The following ZNF16 variants were observed in gnomAD, a reference collection of about 807,000 sequenced individuals.
The protein encoded by ZNF16 is zinc finger protein KOX9.
A neutral mutation model predicts 9.0 loss-of-function variants in ZNF16; 7 were observed. The observed-to-expected ratio is 0.78, with a 90% CI of 0.44 to 1.47. The LOEUF (loss-of-function observed/expected upper bound fraction) is 1.47. Among genes scored for constraint, ZNF16 ranks in the 40% most tolerant of loss-of-function variants. The pLI, the probability that ZNF16 is intolerant of heterozygous loss-of-function variation, is 0.01. For missense variants in ZNF16, 830 were observed against 854.2 expected (o/e 0.97, Z 0.35); for synonymous variants, 312 against 301.5 (o/e 1.03, Z -0.36).
rs202196724 is a variant in ZNF16 at position 144,946,141 on chromosome 8, G to A, written c.66C>T (p.Pro22=). ...EMELSVPGPS[P]WTPAAQARVR... is the part of the protein sequence containing the mutation. ...CACGGGCCTGGGCTGCAGGGGTCCAGGGGGATGGTCCTGGAACTGAGAGCT... is the reference window on the plus strand; with the variant it reads ...CACGGGCCTGGGCTGCAGGGGTCCAAGGGGATGGTCCTGGAACTGAGAGCT... The change falls in exon 2 of 3, where the codon CCC becomes CCT. Residue 22 remains proline, a synonymous_variant. Transcript: ENST00000394909. The A allele has an allele frequency of 4.4e-6, 7 of 1,591,572 alleles. No individual in the cohort carries two copies. Among genetic ancestry groups the A allele is most frequent in the Admixed American group, 3.4e-5 (2 of 58,882 alleles).
chr8:144,936,307 T>G (rs1045697920), intron 2 of ZNF16, among the ~76,000 whole-genome samples: 5 of 152,234 alleles, frequency 3.3e-5, no homozygotes, highest in African/African-American at 1.2e-4. Context: ...AATTAATCAT[T>G]CATCCATTGA....
chr8:144,931,963 C>CG lies in ZNF16; in HGVS notation c.823dup (p.Arg275ProfsTer8). 1 of 1,613,604 alleles carries CG rather than the reference C, an allele frequency of 6.2e-7. No homozygotes were observed. Among genetic ancestry groups the CG allele is most frequent in the African/African-American group, 1.3e-5 (1 of 75,032 alleles). On this transcript the variant is annotated frameshift_variant, in exon 3 of 3. Transcript: ENST00000394909. LOFTEE classifies it low-confidence loss of function (END_TRUNC). ...ATGCCTAGAAAAGTCTGAGTGCCCTCGGAAGGCTTTCCCACATTCGCTGCA... is the reference window on the plus strand; with the variant it reads ...ATGCCTAGAAAAGTCTGAGTGCCCTCGGGAAGGCTTTCCCACATTCGCTGCA...
At chr8:144,949,211 C>T (rs919148621) in intron 1 of ZNF16, among the ~76,000 whole-genome samples, 1 of 152,276 alleles carries the variant, frequency 6.6e-6, no homozygotes, top group Non-Finnish European at 1.5e-5. Flanking sequence ...TCAGCACCTT[C>T]CCCCTTGGGG....
rs1457435614 is a variant in ZNF16 at position 144,949,902 on chromosome 8, T to TA, written c.-10+894dup. On this transcript the variant is annotated intron_variant, in intron 1 of 2. Transcript: ENST00000394909. Reference sequence around the variant, plus strand: ...AAGGGTCTGTGTTGAGGTGGATTGGTAAAAGAGAAAAGCCTCTTGCAGTTG... The same window carrying TA: ...AAGGGTCTGTGTTGAGGTGGATTGGTAAAAAGAGAAAAGCCTCTTGCAGTTG... 1.3e-5 allele frequency among the ~76,000 whole-genome samples: 2 copies of TA among 152,146 alleles called. 1 individual carries two copies. Among genetic ancestry groups the TA allele is most frequent in the South Asian group, 4.1e-4 (2 of 4,830 alleles).
intron 2 of ZNF16, chr8:144,945,798 G>A (rs1373006839): frequency 1.1e-6 from 1 of 941,794 alleles, no homozygotes; most frequent in Non-Finnish European, 1.5e-6. Context: ...ACCTCTTCGT[G>A]TCAAGTGGGG....
At chr8:144,937,122 T>G (rs1478085368) in intron 2 of ZNF16, among the ~76,000 whole-genome samples, 1 of 151,126 alleles carries the variant, frequency 6.6e-6, no homozygotes, top group Non-Finnish European at 1.5e-5. Context: ...GCAGGATGCT[T>G]TTTTCACTTT....
chr8:144,948,726 T>C (rs1834020177), intron 1 of ZNF16, among the ~76,000 whole-genome samples: 1 of 147,990 alleles, frequency 6.8e-6, no homozygotes, highest in Non-Finnish European at 1.5e-5. Context: ...TAATGATAAA[T>C]TACACCCAAC....
Position 144,932,385 on chromosome 8 carries a change from C to A in ZNF16, c.402G>T (p.Gly134=). The A allele has an allele frequency of 2.5e-6, 4 of 1,614,154 alleles. No individual in the cohort carries two copies. The highest frequency in any genetic ancestry group is 3.4e-6 in the Non-Finnish European group (4 of 1,180,018). The change falls in exon 3 of 3, where the codon GGG becomes GGT. Residue 134 remains glycine, a synonymous_variant. Transcript: ENST00000394909. This position sits in a 1 kb window ranked among gnomAD's most constrained non-coding sequence, Gnocchi z 5.0. ...GCCCCATGGCAGCTGGTGTGAAGTC[C>A]CCCTCCTGGGAGAGGGACTGTGGCA... ...RRLPQSLSQE[G]DFTPAAMGLL...
chr8:144,946,564 CTGCTGTGGGCCT>C lies in ZNF16; in HGVS notation c.-9-361_-9-350del, dbSNP rs1563925562. ...TGTGTACTGCTGTGGGGCCTGTACC[CTGCTGTGGGCCT>C]GTGTCCTGCTGTGGGTCTGTATCCT... On this transcript the variant is annotated intron_variant, in intron 1 of 2. Transcript: ENST00000394909. Among the ~76,000 whole-genome samples, 162 of 138,744 alleles carry C rather than the reference CTGCTGTGGGCCT, an allele frequency of 1.2e-3. 11 individuals carry two copies. Among genetic ancestry groups the C allele is most frequent in the Middle Eastern group, 3.9e-3 (1 of 254 alleles). 91.0% of individuals were successfully genotyped at this position (138,744 alleles called of 152,430 possible).
chr8:144,930,697 G>A lies in ZNF16; in HGVS notation c.*41C>T, dbSNP rs368621006. ...AGACAATGGCCAAAGAGGAGTTGGA[G>A]AGGAAACTATGCTCGGTTTCACTCC... On this transcript the variant is annotated 3_prime_UTR_variant, in exon 3 of 3. Coordinates refer to ENST00000394909, the MANE Select transcript of ZNF16 (RefSeq NM_006958.3). The A allele has an allele frequency of 6.6e-7, 1 of 1,513,362 alleles. No individual in the cohort carries two copies. The allele number at this position is 1,513,362 out of a possible 1,614,324, so 93.7% of individuals were successfully genotyped here. A position where few individuals can be genotyped will look rare whatever the true frequency, so the allele number is the denominator to read the frequency against.
intron 2 of ZNF16, among the ~76,000 whole-genome samples, chr8:144,937,947 C>T (rs964552874): frequency 6.6e-6 from 1 of 152,158 alleles, no homozygotes; most frequent in Non-Finnish European, 1.5e-5. Flanking sequence ...GGATTACAGG[C>T]ATGAGCCACC....
chr8:144,944,443 C>T (rs1833879683), intron 2 of ZNF16: 1 of 147,390 alleles, frequency 6.8e-6, no homozygotes, highest in African/African-American at 2.5e-5. Flanking sequence ...AGGCGTGAGC[C>T]ACCGTGGTGC....
intron 2 of ZNF16, chr8:144,945,591 C>T: frequency 6.4e-6 from 1 of 156,888 alleles, no homozygotes; most frequent in Non-Finnish European, 1.4e-5. Context: ...CTTTTGAATG[C>T]CTCTATTTCC....
chr8:144,930,671 G>A lies in ZNF16; in HGVS notation c.*67C>T. 6.7e-7 allele frequency: 1 copy of A among 1,499,602 alleles called. No individual in the cohort carries two copies. Among genetic ancestry groups the A allele is most frequent in the Non-Finnish European group, 8.9e-7 (1 of 1,124,144 alleles). The allele number at this position is 1,499,602 out of a possible 1,614,324, so 92.9% of individuals were successfully genotyped here. A position where few individuals can be genotyped will look rare whatever the true frequency, so the allele number is the denominator to read the frequency against. ...TTCGGTCTGGGAAGTGGCAGAGGCT[G>A]AGACAATGGCCAAAGAGGAGTTGGA... On this transcript the variant is annotated 3_prime_UTR_variant, in exon 3 of 3. Transcript: ENST00000394909.
At position 144,932,499 on chromosome 8, in the gene ZNF16, A is replaced by G; in HGVS notation, c.288T>C (p.Tyr96=). ...LESQAEISEN[Y]AGDVSQVPEL... Reference sequence around the variant, plus strand: ...CGGGTACCTGGGAAACATCACCAGCATAGTTTTCTGATATTTCTGCCTGTG... The same window carrying G: ...CGGGTACCTGGGAAACATCACCAGCGTAGTTTTCTGATATTTCTGCCTGTG... Residue 96 remains tyrosine (Y), a synonymous_variant, in exon 3 of 3, where the codon TAT becomes TAC. Coordinates refer to ENST00000394909, the MANE Select transcript of ZNF16 (RefSeq NM_006958.3). The surrounding 1 kb of genome is among the most constrained non-coding windows in gnomAD (Gnocchi z 5.0). The G allele has an allele frequency of 6.2e-7, 1 of 1,614,230 alleles. No homozygotes were observed.
At chr8:144,939,897 G>C (rs187068168) in intron 2 of ZNF16, among the ~76,000 whole-genome samples, 25 of 152,068 alleles carry the variant, frequency 1.6e-4, no homozygotes, top group Admixed American at 1.4e-3. Flanking sequence ...TCTAAGTAAA[G>C]GTTTATCAAC....
intron 1 of ZNF16, among the ~76,000 whole-genome samples, chr8:144,947,401 A>C (rs936344303): frequency 6.7e-6 from 1 of 148,314 alleles, no homozygotes. Context: ...GTGGGCCTGT[A>C]TCCTGCTGTG....
rs76625009 is a variant in ZNF16, at chr8:144,936,510, C to T, written c.197-3920G>A. The stretch of plus-strand genomic sequence containing the variant: ...TTATGCCATTTTACATTCCAGCCAG[C>T]GATGTATGAGGATACCAGTTTCTCC... On this transcript the variant is annotated intron_variant, in intron 2 of 2. Coordinates refer to ENST00000394909, the MANE Select transcript of ZNF16 (RefSeq NM_006958.3). Among the ~76,000 whole-genome samples the T allele has an allele frequency of 8.8e-3, 1,340 of 152,196 alleles. 21 individuals carry two copies. Among genetic ancestry groups the T allele is most frequent in the Middle Eastern group, 0.031 (9 of 294 alleles).
At chr8:144,940,328 A>G (rs1443784946) in intron 2 of ZNF16, among the ~76,000 whole-genome samples, 1 of 152,056 alleles carries the variant, frequency 6.6e-6, no homozygotes. Flanking sequence ...CGATCCACCC[A>G]CCTCAGCCTC....
Sources: allele counts gnomAD v4.1 joint callset (sites outside exome capture counted in the v4.1 genomes callset), GRCh38; gene constraint gnomAD v4.1.1; non-coding constraint Gnocchi (gnomAD v3.1); transcripts MANE v1.5; gene names NCBI Gene and HGNC (gene_info 2026-07-23, HGNC 2026-07-21).